RUBCN: variants seen among roughly 807,000 people sequenced by gnomAD.
RUBCN encodes the protein rubicon autophagy regulator.
Under a neutral mutation model 113.2 loss-of-function variants are expected in RUBCN, and 74 were observed. That is an observed-to-expected ratio of 0.65 (90% CI 0.54 to 0.79). The LOEUF is 0.79. RUBCN is among the 30% of genes least tolerant of loss of function. RUBCN has a pLI of 0.00. For missense variants in RUBCN, 1,109 were observed against 1,251.7 expected, an observed-to-expected ratio of 0.89 and a Z score of 1.72; for synonymous variants, 480 against 490.0, an observed-to-expected ratio of 0.98 and a Z score of 0.27.
At position 197,703,559 on chromosome 3, in the gene RUBCN, C is replaced by G. The variant is rs146006052; in HGVS notation, c.559G>C (p.Asp187His). The G allele has an allele frequency of 1.2e-6, 2 of 1,610,960 alleles. No individual in the cohort carries two copies. The highest frequency in any genetic ancestry group is 4.5e-5 in the East Asian group (2 of 44,890). ...CTTGTCCCCTGTACCATGGACGCAT[C>G]GATCTGAGCCAGGAGGCGGGGGTTG... ...QNNPRLLAQI[D>H]ASMFARKHES... Residue 187 changes from aspartate to histidine, a missense_variant, in exon 5 of 20, where the codon GAT becomes CAT. Coordinates refer to ENST00000296343, the MANE Select transcript of RUBCN (RefSeq NM_014687.4).
upstream of RUBCN, among the ~76,000 whole-genome samples, chr3:197,741,057 C>T (rs1728507337): frequency 6.6e-6 from 1 of 152,174 alleles, no homozygotes; most frequent in South Asian, 2.1e-4. Context: ...TATGGGTATT[C>T]ATTGCACTAT....
At chr3:197,718,280 C>A (rs539499682) in intron 1 of RUBCN, 150 bp from the exon 2 acceptor site, 82 of 822,208 alleles carry the variant, frequency 1.0e-4, no homozygotes, top group African/African-American at 9.7e-4. Context: ...AAACTCAACT[C>A]TGAGAGAATT....
At chr3:197,701,620 A>G (rs925352876) in intron 6 of RUBCN, 88 bp downstream of exon 6, 3 of 1,302,126 alleles carry the variant, frequency 2.3e-6, no homozygotes, top group South Asian at 1.2e-5. Context: ...CCAAGTCTCA[A>G]TTTTCCAAGC....
At chr3:197,706,833 G>A (rs969298662) in intron 2 of RUBCN, among the ~76,000 whole-genome samples, 1 of 152,072 alleles carries the variant, frequency 6.6e-6, no homozygotes. Context: ...CTTTCTTCTC[G>A]CCTCTATACT....
chr3:197,749,543 C>T, exon 1 of RUBCN: 1 of 1,291,012 alleles, frequency 7.7e-7, no homozygotes, highest in Non-Finnish European at 1.0e-6. Flanking sequence ...GGCTGCGTTG[C>T]GGTGGGCGCG....
upstream of RUBCN, among the ~76,000 whole-genome samples, chr3:197,739,173 T>G (rs1305137279): frequency 6.6e-6 from 1 of 151,748 alleles, no homozygotes; most frequent in Non-Finnish European, 1.5e-5. Context: ...ACTCCCGACC[T>G]CAGGTGATCC....
chr3:197,692,073 C>T, intron 11 of RUBCN, among the ~76,000 whole-genome samples: 1 of 151,964 alleles, frequency 6.6e-6, no homozygotes, highest in East Asian at 1.9e-4. Context: ...ATCGAAAGAA[C>T]CAACCACGTC....
Position 197,681,015 on chromosome 3 carries a change from TGGGGGGAG to T in RUBCN, c.2430+106_2430+113del. ...AAGGAGAGGAGACGAGGGGAGGGGA[TGGGGGGAG>T]GGGACAAGAGGAGGGGATGGGGGGA... On this transcript the variant is annotated intron_variant, in intron 16 of 19. Transcript: ENST00000296343. The surrounding 1 kb of genome is among the most constrained non-coding windows in gnomAD (Gnocchi z 5.5). The T allele has an allele frequency of 1.9e-6, 1 of 517,024 alleles. No individual in the cohort carries two copies. Among genetic ancestry groups the T allele is most frequent in the South Asian group, 1.7e-5 (1 of 60,236 alleles). 32.0% of individuals were successfully genotyped at this position (517,024 alleles called of 1,614,324 possible). A position where few individuals can be genotyped will look rare whatever the true frequency, so the allele number is the denominator to read the frequency against.
intron 13 of RUBCN, among the ~76,000 whole-genome samples, 186 bp from the exon 14 acceptor site, chr3:197,682,801 T>C (rs1721398226): frequency 6.6e-6 from 1 of 152,012 alleles, no homozygotes; most frequent in African/African-American, 2.4e-5. Context: ...GTGAAAGACA[T>C]TTCAGGAACA....
At chr3:197,708,813 T>C (rs1398295806) in intron 2 of RUBCN, among the ~76,000 whole-genome samples, 2 of 152,182 alleles carry the variant, frequency 1.3e-5, no homozygotes, top group African/African-American at 4.8e-5. Context: ...GAAATGACTG[T>C]ATTTATAAAC....
At chr3:197,680,874 A>G (rs954061762) in intron 16 of RUBCN, among the ~76,000 whole-genome samples, 2 of 152,052 alleles carry the variant, frequency 1.3e-5, no homozygotes, top group Admixed American at 1.3e-4. Flanking sequence ...GGAAATGGGA[A>G]GAGATTAAGA....
chr3:197,735,612 G>C (rs1201145787), intron 1 of RUBCN, among the ~76,000 whole-genome samples: 1 of 152,100 alleles, frequency 6.6e-6, no homozygotes, highest in East Asian at 1.9e-4. Context: ...GTTTTTTGAA[G>C]ACAGGGTCTT....
At chr3:197,714,882 TAAA>T (rs1725346239) in intron 2 of RUBCN, among the ~76,000 whole-genome samples, 1 of 152,118 alleles carries the variant, frequency 6.6e-6, no homozygotes, top group African/African-American at 2.4e-5. Flanking sequence ...AAAATGTATT[TAAA>T]ACACTGCAAA....
At position 197,682,431 on chromosome 3, in the gene RUBCN, G is replaced by A. The variant is rs749348365; in HGVS notation, c.2126+39C>T. 2.0e-5 allele frequency: 32 copies of A among 1,612,816 alleles called. No homozygotes were observed. The African/African-American group carries it at 2.0e-4, about 10-fold the overall frequency. ...AAAACCCTGACAATCCAAAGAGGAC[G>A]GATCTGTGCTCCAAAGGGCACAGAC... is the stretch of plus-strand genomic sequence containing the variant. On this transcript the variant is annotated intron_variant, in intron 14 of 19. Coordinates refer to ENST00000296343, the MANE Select transcript of RUBCN (RefSeq NM_014687.4).
chr3:197,725,495 T>C (rs1726630710), intron 1 of RUBCN, among the ~76,000 whole-genome samples: 1 of 149,240 alleles, frequency 6.7e-6, no homozygotes, highest in Admixed American at 6.7e-5. Flanking sequence ...GCCAGTCCCA[T>C]ACATTTCATG....
intron 1 of RUBCN, among the ~76,000 whole-genome samples, chr3:197,723,858 G>A (rs1187108241): frequency 6.6e-6 from 1 of 152,136 alleles, no homozygotes; most frequent in Non-Finnish European, 1.5e-5. Flanking sequence ...ACTTTGAGGG[G>A]CTGAGGCAGG....
chr3:197,747,511 G>A (rs1456949567), intron 1 of RUBCN, among the ~76,000 whole-genome samples: 2 of 151,704 alleles, frequency 1.3e-5, no homozygotes, highest in East Asian at 1.9e-4. Context: ...GTGAGCCACT[G>A]CACCAGGTCG....
intron 11 of RUBCN, chr3:197,691,057 C>T (rs1722367096): frequency 7.8e-7 from 1 of 1,278,882 alleles, no homozygotes; most frequent in Non-Finnish European, 1.0e-6. Flanking sequence ...CACATCCACG[C>T]TTGCAAAGTA....
At chr3:197,695,142 C>G (rs1438981414) in intron 9 of RUBCN, among the ~76,000 whole-genome samples, 8 of 127,028 alleles carry the variant, frequency 6.3e-5, no homozygotes, top group Admixed American at 7.7e-5. Flanking sequence ...CCAGACGCAG[C>G]GGCTCACACC....
Sources: allele counts gnomAD v4.1 joint callset (sites outside exome capture counted in the v4.1 genomes callset), GRCh38; gene constraint gnomAD v4.1.1; non-coding constraint Gnocchi (gnomAD v3.1); transcripts MANE v1.5; gene names NCBI Gene and HGNC (gene_info 2026-07-23, HGNC 2026-07-21).